TBC1D1: variants seen among roughly 807,000 people sequenced by gnomAD.
TBC1D1 encodes TBC1 (tre-2/USP6, BUB2, cdc16) domain family, member 1.
In TBC1D1, 89 loss-of-function variants were observed where a neutral mutation model predicts 125.6. The ratio of observed to expected loss-of-function variants is 0.71; its 90% CI spans 0.60 to 0.85. TBC1D1 has a LOEUF of 0.85. TBC1D1 is among the 40% of genes least tolerant of loss of function. TBC1D1 has a pLI of 0.00. For missense variants in TBC1D1, 1,377 were observed against 1,469.2 expected, an observed-to-expected ratio of 0.94 and a Z score of 1.03; for synonymous variants, 565 against 564.1, an observed-to-expected ratio of 1.00 and a Z score of -0.02.
At chr4:38,001,639 GAGGCATTCCTAATTCCTTATTATA>G (rs1739111405) in intron 2 of TBC1D1, among the ~76,000 whole-genome samples, 1 of 152,192 alleles carries the variant, frequency 6.6e-6, no homozygotes, top group Non-Finnish European at 1.5e-5. Flanking sequence ...GGCTTATTAT[GAGGCATTCCTAATTCCTTATTATA>G]AGGCATTCCT....
chr4:38,066,007 C>G (rs1753668483), intron 12 of TBC1D1, among the ~76,000 whole-genome samples: 1 of 152,192 alleles, frequency 6.6e-6, no homozygotes, highest in African/African-American at 2.4e-5. Context: ...AGTTATGTCT[C>G]CTGCAGCTCT....
rs1215627693 is a variant in TBC1D1, at chr4:38,139,051, A to G, written c.*1716A>G. 6.6e-6 allele frequency: 1 copy of G among 152,636 alleles called. No homozygotes were observed. Among genetic ancestry groups the G allele is most frequent in the Non-Finnish European group, 1.5e-5 (1 of 68,038 alleles). 9.5% of individuals were successfully genotyped at this position (152,636 alleles called of 1,614,324 possible). A position where few individuals can be genotyped will look rare whatever the true frequency, so the allele number is the denominator to read the frequency against. On this transcript the variant is annotated 3_prime_UTR_variant, in exon 20 of 20. Coordinates refer to ENST00000261439, the MANE Select transcript of TBC1D1 (RefSeq NM_015173.4). ...ATTTGAGGACTTTGTTCTGCATCAG[A>G]TCTTACTATTTGAATGTTTACTGTT...
rs952732454 is a variant in TBC1D1 at position 38,038,962 on chromosome 4, T to A, written c.1413+3264T>A. On this transcript the variant is annotated intron_variant, in intron 8 of 19. Transcript: ENST00000261439. ...CTCCCTCTCGGGAAAAAAAAAAAAA[T>A]TTCATCCTACCAGAAAGTAGCCCTA... Among the ~76,000 whole-genome samples, 17 of 143,016 alleles carry A rather than the reference T, an allele frequency of 1.2e-4. No homozygotes were observed. In the East Asian group the frequency reaches 2.4e-3, roughly 20 times the overall value. The allele number at this position is 143,016 out of a possible 152,430, so 93.8% of individuals were successfully genotyped here.
chr4:38,014,714 G>T lies in TBC1D1; in HGVS notation c.623G>T (p.Gly208Val). ...TTCAATCACGTCAGCGGCAGCCGGG[G>T]GTCCGAGAGCCCCCGCCCCAACCCG... The change falls in exon 3 of 20, where the codon GGG (glycine) becomes GTG (valine). Residue 208 changes from glycine to valine, a missense_variant. Coordinates refer to ENST00000261439, the MANE Select transcript of TBC1D1 (RefSeq NM_015173.4). This position sits in a 1 kb window ranked among gnomAD's most constrained non-coding sequence, Gnocchi z 5.1. 1 of 1,612,528 alleles carries T rather than the reference G, an allele frequency of 6.2e-7. No homozygotes were observed. The highest frequency in any genetic ancestry group is 1.7e-5 in the Admixed American group (1 of 60,006).
chr4:38,089,789 A>G, intron 12 of TBC1D1, 143 bp from the exon 15 acceptor site: 2 of 842,752 alleles, frequency 2.4e-6, no homozygotes, highest in Non-Finnish European at 3.5e-6. Context: ...GCTTATGCCA[A>G]TGCATATTAA....
chr4:38,121,973 T>C (rs1241166267), intron 17 of TBC1D1, among the ~76,000 whole-genome samples: 1 of 152,124 alleles, frequency 6.6e-6, no homozygotes, highest in African/African-American at 2.4e-5. Flanking sequence ...AGTCCTTCCT[T>C]CAACTCTGAA....
chr4:38,061,367 T>C (rs969821800), intron 12 of TBC1D1, among the ~76,000 whole-genome samples: 1 of 152,230 alleles, frequency 6.6e-6, no homozygotes, highest in Non-Finnish European at 1.5e-5. Context: ...TCTCTGGGTG[T>C]ATTATGCAAA....
intron 15 of TBC1D1, among the ~76,000 whole-genome samples, chr4:38,111,575 G>A (rs1034668914): frequency 6.6e-6 from 1 of 152,118 alleles, no homozygotes; most frequent in Non-Finnish European, 1.5e-5. Flanking sequence ...TTTAATGTCT[G>A]ATTTAATAGA....
chr4:37,967,486 C>A (rs1464814951), intron 2 of TBC1D1, among the ~76,000 whole-genome samples: 5 of 146,964 alleles, frequency 3.4e-5, no homozygotes, highest in African/African-American at 1.3e-4. Context: ...CAGAGTGAGA[C>A]TCTGTCTCAA....
chr4:38,135,964 A>G (rs13130833), intron 19 of TBC1D1, among the ~76,000 whole-genome samples: 7 of 149,980 alleles, frequency 4.7e-5, no homozygotes, highest in African/African-American at 1.7e-4. Context: ...ATATATGTGT[A>G]TATATATACC....
intron 18 of TBC1D1, among the ~76,000 whole-genome samples, chr4:38,126,727 A>G (rs1404426077): frequency 1.3e-5 from 2 of 152,070 alleles, no homozygotes; most frequent in African/African-American, 2.4e-5. Context: ...AAATATACGC[A>G]TGATCCCATT....
chr4:37,904,105 G>A (rs889155593), intron 2 of TBC1D1, among the ~76,000 whole-genome samples: 2 of 152,066 alleles, frequency 1.3e-5, no homozygotes, highest in African/African-American at 4.8e-5. Flanking sequence ...TGTTAAATGG[G>A]GATAATTACA....
chr4:38,110,295 C>A (rs756182509), intron 15 of TBC1D1: 18 of 983,600 alleles, frequency 1.8e-5, no homozygotes, highest in Non-Finnish European at 2.2e-5. Flanking sequence ...AAAACACATC[C>A]CTGAGGTCAC....
At chr4:38,127,576 GT>G (rs1560273535) in intron 18 of TBC1D1, among the ~76,000 whole-genome samples, 2 of 152,038 alleles carry the variant, frequency 1.3e-5, no homozygotes, top group African/African-American at 4.8e-5. Flanking sequence ...TAGAGGTGGG[GT>G]TTCGCCATGT....
chr4:38,094,420 C>A (rs904446135), intron 13 of TBC1D1, among the ~76,000 whole-genome samples: 17 of 152,064 alleles, frequency 1.1e-4, no homozygotes, highest in Non-Finnish European at 8.8e-5. Context: ...TTACAAACCG[C>A]ATGGGTGTGT....
intron 2 of TBC1D1, among the ~76,000 whole-genome samples, chr4:37,990,645 C>T (rs1736356943): frequency 6.6e-6 from 1 of 152,300 alleles, no homozygotes; most frequent in East Asian, 1.9e-4. Flanking sequence ...CCTTCCATTT[C>T]CAGAAATATG....
intron 12 of TBC1D1, among the ~76,000 whole-genome samples, chr4:38,073,884 T>C (rs1420510578): frequency 6.6e-6 from 1 of 152,220 alleles, no homozygotes; most frequent in Admixed American, 6.5e-5. Context: ...GCAGCCATTC[T>C]TGAAATCCAC....
At chr4:37,896,483 C>G (rs1714652758) in intron 1 of TBC1D1, among the ~76,000 whole-genome samples, 1 of 152,156 alleles carries the variant, frequency 6.6e-6, no homozygotes, top group African/African-American at 2.4e-5. Context: ...GCTTTCCATC[C>G]CCACACAATG....
intron 11 of TBC1D1, among the ~76,000 whole-genome samples, chr4:38,052,776 G>T (rs1751001594): frequency 7.0e-6 from 1 of 142,348 alleles, no homozygotes; most frequent in Admixed American, 7.1e-5. Flanking sequence ...GATAACATCT[G>T]TGTTTGATCA....
Sources: gnomAD v4.1 joint callset for allele counts (sites outside exome capture counted in the v4.1 genomes callset) on GRCh38, gnomAD v4.1.1 for gene constraint, Gnocchi (gnomAD v3.1) non-coding constraint, MANE v1.5 for transcripts, NCBI Gene and HGNC (gene_info 2026-07-23, HGNC 2026-07-21) for gene names.